Variants in ACTN4 observed in about 807,000 individuals in gnomAD.
The protein encoded by ACTN4 is alpha-actinin-4.
ACTN4 carries 18 observed loss-of-function variants against 114.2 expected under a neutral mutation model. That is an observed-to-expected ratio of 0.16 (90% CI 0.11 to 0.23). The LOEUF is 0.23. Among genes scored for constraint, ACTN4 ranks in the 10% least tolerant of loss-of-function variants. The pLI is 1.00. For missense variants in ACTN4, 722 were observed against 1,262.9 expected, an observed-to-expected ratio of 0.57 and a Z score of 6.49; for synonymous variants, 515 against 506.3, an observed-to-expected ratio of 1.02 and a Z score of -0.23.
chr19:38,655,404 A>C (rs1976684577), intron 1 of ACTN4, among the ~76,000 whole-genome samples: 1 of 152,222 alleles, frequency 6.6e-6, no homozygotes, highest in South Asian at 2.1e-4. Flanking sequence ...CTTTGAAGTC[A>C]TCAGGTTTAC....
At chr19:38,673,737 TTATATATTTA>T (rs1568691048) in intron 1 of ACTN4, among the ~76,000 whole-genome samples, 2 of 101,122 alleles carry the variant, frequency 2.0e-5, no homozygotes, top group African/African-American at 6.8e-5. Context: ...TTATATATAT[TTATATATTTA>T]TATATATTTT....
chr19:38,672,651 G>A (rs905958706), intron 1 of ACTN4, among the ~76,000 whole-genome samples: 20 of 151,572 alleles, frequency 1.3e-4, no homozygotes, highest in East Asian at 1.9e-4. Flanking sequence ...TCGGCTCACC[G>A]CAACCTCTGT....
chr19:38,724,257 C>G lies in ACTN4; in HGVS notation c.1793C>G (p.Ala598Gly). 5 of 1,613,998 alleles carry G rather than the reference C, an allele frequency of 3.1e-6. No individual in the cohort carries two copies. The highest frequency in any genetic ancestry group is 4.2e-6 in the Non-Finnish European group (5 of 1,180,028). Residue 598 changes from alanine (A) to glycine (G), a missense_variant, in exon 15 of 21, where the codon GCT (alanine) becomes GGT (glycine). Physicochemically the swap from Ala to Gly is moderately conservative, Grantham distance 60 (BLOSUM62 0). Coordinates refer to ENST00000252699, the MANE Select transcript of ACTN4 (RefSeq NM_004924.6). The surrounding 1 kb of genome is among the most constrained non-coding windows in gnomAD (Gnocchi z 7.0). ...LAIHKEAQRI[A>G]ESNHIKLSGS... ...ATCCACAAGGAGGCCCAGAGGATCG[C>G]TGAGAGCAACCACATCAAGCTGTCG... is the stretch of plus-strand genomic sequence containing the variant.
At chr19:38,704,900 ACCTTCTGC>A (rs1408374943) in intron 3 of ACTN4, 26 bp from the exon 4 acceptor site, 15 of 1,604,024 alleles carry the variant, frequency 9.4e-6, no homozygotes, top group African/African-American at 1.3e-5. Context: ...GGTTTTAACG[ACCTTCTGC>A]CCTCTGCCCC....
intron 3 of ACTN4, among the ~76,000 whole-genome samples, chr19:38,704,183 C>T (rs1407458170): frequency 2.6e-5 from 4 of 152,348 alleles, no homozygotes; most frequent in South Asian, 4.1e-4. Flanking sequence ...TTGTGGCATG[C>T]GTCTGTGGTC....
chr19:38,684,243 A>G (rs1599795282), intron 1 of ACTN4, among the ~76,000 whole-genome samples: 1 of 152,124 alleles, frequency 6.6e-6, no homozygotes. Context: ...CTTATGCCCC[A>G]CCCAGTCATA....
At position 38,725,742 on chromosome 19, in the gene ACTN4, A is replaced by G. The variant is rs1382246597; in HGVS notation, c.2029A>G (p.Ile677Val). 6.2e-7 allele frequency: 1 copy of G among 1,613,848 alleles called. No individual in the cohort carries two copies. The highest frequency in any genetic ancestry group is 8.5e-7 in the Non-Finnish European group (1 of 1,180,002). Reference protein sequence around the residue: ...TKMEEIGRISIEMNGTLEDQL... With the variant: ...TKMEEIGRISVEMNGTLEDQL... ...CCCGTAGGAGATCGGGCGCATCTCCATTGAGATGAACGGGACCCTGGAGGA... is the reference window on the plus strand; with the variant it reads ...CCCGTAGGAGATCGGGCGCATCTCCGTTGAGATGAACGGGACCCTGGAGGA... Residue 677 changes from isoleucine (I) to valine (V), a missense_variant, in exon 17 of 21, where the codon ATT becomes GTT. Coordinates refer to ENST00000252699, the MANE Select transcript of ACTN4 (RefSeq NM_004924.6).
chr19:38,677,678 G>A lies in ACTN4; in HGVS notation c.163-22922G>A, dbSNP rs139024741. 5.1e-3 allele frequency among the ~76,000 whole-genome samples: 769 copies of A among 152,272 alleles called. 8 individuals carry two copies. The highest frequency in any genetic ancestry group is 0.018 in the African/African-American group (732 of 41,558). On this transcript the variant is annotated intron_variant, in intron 1 of 20. Transcript: ENST00000252699. ...TTCTAGGCCCAGTGTTCAGCCAGCT[G>A]TCCTGAGTTCTGCATCAGTCCCTGC... is the stretch of plus-strand genomic sequence containing the variant.
chr19:38,699,719 C>T lies in ACTN4; in HGVS notation c.163-881C>T, dbSNP rs368986027. 4.2e-4 allele frequency among the ~76,000 whole-genome samples: 64 copies of T among 150,810 alleles called. 1 individual carries two copies. In the East Asian group the frequency reaches 0.012, roughly 29 times the overall value. On this transcript the variant is annotated intron_variant, in intron 1 of 20. Coordinates refer to ENST00000252699, the MANE Select transcript of ACTN4 (RefSeq NM_004924.6). ...GCAGTGAGCTGAGATTGCGCCACAG[C>T]ACTCCAGCCTGGGTGACAGAGCGAG...
At chr19:38,704,723 C>T (rs1229086140) in intron 3 of ACTN4, among the ~76,000 whole-genome samples, 1 of 152,220 alleles carries the variant, frequency 6.6e-6, no homozygotes, top group Non-Finnish European at 1.5e-5. Context: ...AGGCGCTCAG[C>T]AGCAGGAGGC....
At chr19:38,691,918 C>T (rs1484405947) in intron 1 of ACTN4, among the ~76,000 whole-genome samples, 1 of 151,934 alleles carries the variant, frequency 6.6e-6, no homozygotes, top group Admixed American at 6.6e-5. Flanking sequence ...AACAAACAAA[C>T]AAAATCCGTC....
intron 1 of ACTN4, among the ~76,000 whole-genome samples, chr19:38,663,457 A>G (rs1976952264): frequency 6.6e-6 from 1 of 152,176 alleles, no homozygotes; most frequent in African/African-American, 2.4e-5. Context: ...TCAGAAGGAC[A>G]CTAAACGGCA....
chr19:38,712,684 GA>G (rs1968697824), intron 8 of ACTN4, among the ~76,000 whole-genome samples: 1 of 152,120 alleles, frequency 6.6e-6, no homozygotes, highest in Non-Finnish European at 1.5e-5. Flanking sequence ...GGTGGGCAGG[GA>G]CCAGCAGCAA....
At chr19:38,664,670 C>T (rs1286550966) in intron 1 of ACTN4, among the ~76,000 whole-genome samples, 1 of 152,134 alleles carries the variant, frequency 6.6e-6, no homozygotes, top group East Asian at 1.9e-4. Context: ...CACGGGAGCA[C>T]TGCAGTGCCA....
intron 1 of ACTN4, among the ~76,000 whole-genome samples, chr19:38,674,878 AG>A (rs1474831755): frequency 2.0e-5 from 3 of 152,206 alleles, no homozygotes; most frequent in African/African-American, 7.2e-5. Flanking sequence ...GTATGGCGAA[AG>A]GAGAGAACTC....
At chr19:38,709,600 G>A (rs1241718420) in intron 7 of ACTN4, 124 bp downstream of exon 7, 2 of 845,024 alleles carry the variant, frequency 2.4e-6, no homozygotes, top group East Asian at 5.2e-5. Context: ...AGCTGGCAGA[G>A]CCAGCAAGAA....
intron 1 of ACTN4, among the ~76,000 whole-genome samples, chr19:38,680,896 C>T (rs1967546213): frequency 1.3e-5 from 2 of 151,930 alleles, no homozygotes; most frequent in African/African-American, 2.4e-5. Context: ...GAGGCCAAGG[C>T]GGGTAGATCA....
At chr19:38,680,064 G>A (rs765196681) in intron 1 of ACTN4, among the ~76,000 whole-genome samples, 4 of 152,002 alleles carry the variant, frequency 2.6e-5, no homozygotes, top group Non-Finnish European at 4.4e-5. Flanking sequence ...GCCCATGCCT[G>A]TAGTCCTGAC....
At chr19:38,716,352 G>A (rs1404967205) in intron 9 of ACTN4, among the ~76,000 whole-genome samples, 1 of 152,258 alleles carries the variant, frequency 6.6e-6, no homozygotes, top group Non-Finnish European at 1.5e-5. Flanking sequence ...GGCCTAGCCA[G>A]ACTGAGCCAG....
Sources: allele counts gnomAD v4.1 joint callset (sites outside exome capture counted in the v4.1 genomes callset), GRCh38; gene constraint gnomAD v4.1.1; non-coding constraint Gnocchi (gnomAD v3.1); transcripts MANE v1.5; gene names NCBI Gene and HGNC (gene_info 2026-07-23, HGNC 2026-07-21).